Variants in RHOQ observed in about 807,000 individuals in gnomAD.
RHOQ encodes ras homolog family member Q, also known as rho-related GTP-binding protein RhoQ.
Under a neutral mutation model 25.8 loss-of-function variants are expected in RHOQ, and 7 were observed. The ratio of observed to expected loss-of-function variants is 0.27; its 90% CI spans 0.15 to 0.51. The LOEUF is 0.51. Among genes scored for constraint, RHOQ ranks in the 20% least tolerant of loss-of-function variants. The pLI is 0.97. For missense variants in RHOQ, 165 were observed against 260.6 expected, an observed-to-expected ratio of 0.63 and a Z score of 2.53; for synonymous variants, 97 against 98.6, an observed-to-expected ratio of 0.98 and a Z score of 0.10.
intron 1 of RHOQ, chr2:46,543,421 C>G: frequency 1.7e-6 from 1 of 604,626 alleles, no homozygotes; most frequent in Non-Finnish European, 2.9e-6. Flanking sequence ...CCCGCACTTC[C>G]TACCCCTCGG....
Position 46,576,570 on chromosome 2 carries a change from C to T in RHOQ, c.376C>T (p.Arg126Ter), listed in dbSNP as rs757089034. Residue 126 changes from arginine to a stop codon, truncating the protein, a stop_gained, in exon 4 of 5, where the codon CGA becomes TGA. Transcript: ENST00000238738. LOFTEE classifies it high-confidence loss of function. The surrounding 1 kb of genome is among the most constrained non-coding windows in gnomAD (Gnocchi z 5.1). ...GACCTTTCTTAATTAGATTGATCTC[C>T]GAGATGACCCCAAAACTTTAGCAAG... The part of the protein sequence containing the change: ...FLLIGTQIDL[R>*]DDPKTLARLN... 11 of 1,596,180 alleles carry T rather than the reference C, an allele frequency of 6.9e-6. No homozygotes were observed. The highest frequency in any genetic ancestry group is 2.2e-5 in the East Asian group (1 of 44,642).
At position 46,576,074 on chromosome 2, in the gene RHOQ, C is replaced by G; in HGVS notation, c.202-13C>G. 1 of 1,580,668 alleles carries G rather than the reference C, an allele frequency of 6.3e-7. No individual in the cohort carries two copies. Among genetic ancestry groups the G allele is most frequent in the Non-Finnish European group, 8.6e-7 (1 of 1,167,394 alleles). ...AATGTAAATACATAATGAGGCTTTT[C>G]TTTGTTCCTCAGGAAGACTATGACC... On this transcript the variant is annotated splice_polypyrimidine_tract_variant and intron_variant, in intron 2 of 4. Coordinates refer to ENST00000238738, the MANE Select transcript of RHOQ (RefSeq NM_012249.4). The surrounding 1 kb of genome is among the most constrained non-coding windows in gnomAD (Gnocchi z 5.1).
intron 4 of RHOQ, among the ~76,000 whole-genome samples, chr2:46,577,831 A>T (rs1201608937): frequency 6.6e-6 from 1 of 152,102 alleles, no homozygotes; most frequent in Non-Finnish European, 1.5e-5. Flanking sequence ...TCACTTCAGA[A>T]ATTCCATGTA....
chr2:46,564,297 C>A (rs1243325046), intron 2 of RHOQ, among the ~76,000 whole-genome samples: 1 of 152,110 alleles, frequency 6.6e-6, no homozygotes, highest in African/African-American at 2.4e-5. Context: ...AGAATGAGAT[C>A]CTGTCTCCTG....
chr2:46,571,199 A>G (rs1668902529), intron 2 of RHOQ, among the ~76,000 whole-genome samples: 1 of 152,226 alleles, frequency 6.6e-6, no homozygotes, highest in Non-Finnish European at 1.5e-5. Flanking sequence ...AACTTGTAAT[A>G]TCATGTTCAC....
Position 46,556,674 on chromosome 2 carries a change from TC to T in RHOQ, c.201+12867del, listed in dbSNP as rs1668419752. Among the ~76,000 whole-genome samples the T allele has an allele frequency of 6.6e-6, 1 of 152,008 alleles. No individual in the cohort carries two copies. The highest frequency in any genetic ancestry group is 6.6e-5 in the Admixed American group (1 of 15,254). ...ACAAAATTCCATCCGATCGGGTTCT[TC>T]CCCCGTAGGAGTTTACAGTCCAGTT... On this transcript the variant is annotated intron_variant, in intron 2 of 4. Coordinates refer to ENST00000238738, the MANE Select transcript of RHOQ (RefSeq NM_012249.4). The surrounding 1 kb of genome is among the most constrained non-coding windows in gnomAD (Gnocchi z 4.9).
At chr2:46,551,455 G>C (rs1362833050) in intron 2 of RHOQ, among the ~76,000 whole-genome samples, 2 of 152,226 alleles carry the variant, frequency 1.3e-5, no homozygotes, top group Non-Finnish European at 2.9e-5. Context: ...GGGAAGAATA[G>C]TGTAGGGAGG....
At chr2:46,549,370 C>T (rs892536461) in intron 2 of RHOQ, among the ~76,000 whole-genome samples, 3 of 152,048 alleles carry the variant, frequency 2.0e-5, no homozygotes, top group Non-Finnish European at 2.9e-5. Flanking sequence ...TGGGCTTTTG[C>T]GGTTTTGTTG....
At position 46,582,353 on chromosome 2, in the gene RHOQ, C is replaced by G. The variant is rs1353728472; in HGVS notation, c.*1270C>G. ...GTGAAGCTTATTTGGTACACTGGAG[C>G]CATTTCTAATCTTTCTCTGGGGGGA... On this transcript the variant is annotated 3_prime_UTR_variant, in exon 5 of 5. Coordinates refer to ENST00000238738, the MANE Select transcript of RHOQ (RefSeq NM_012249.4). The G allele has an allele frequency of 6.6e-6, 1 of 151,576 alleles. No individual in the cohort carries two copies. Among genetic ancestry groups the G allele is most frequent in the Non-Finnish European group, 1.5e-5 (1 of 67,966 alleles). The allele number at this position is 151,576 out of a possible 1,614,324, so 9.4% of individuals were successfully genotyped here. A position where few individuals can be genotyped will look rare whatever the true frequency, so the allele number is the denominator to read the frequency against.
intron 2 of RHOQ, among the ~76,000 whole-genome samples, chr2:46,565,278 T>G (rs909477551): frequency 1.9e-4 from 29 of 152,284 alleles, no homozygotes; most frequent in Admixed American, 9.8e-4. Flanking sequence ...GGCATGTGTC[T>G]GAGTGTAGAA....
At chr2:46,571,787 T>C (rs1016297436) in intron 2 of RHOQ, among the ~76,000 whole-genome samples, 3 of 152,220 alleles carry the variant, frequency 2.0e-5, no homozygotes, top group Non-Finnish European at 2.9e-5. Context: ...TGGCACAAGG[T>C]AAATCGTCCA....
Position 46,569,560 on chromosome 2 carries a change from C to T in RHOQ, c.202-6527C>T, listed in dbSNP as rs181569349. ...CAGATGTAAATTTTCTCTCCGTTTC[C>T]TCCAGCCAACCTAAACAGGAGTTAC... On this transcript the variant is annotated intron_variant, in intron 2 of 4. Coordinates refer to ENST00000238738, the MANE Select transcript of RHOQ (RefSeq NM_012249.4). This position sits in a 1 kb window ranked among gnomAD's most constrained non-coding sequence, Gnocchi z 4.1. 1 of 152,278 alleles carries T rather than the reference C, an allele frequency of 6.6e-6. No individual in the cohort carries two copies. The highest frequency in any genetic ancestry group is 1.9e-4 in the East Asian group (1 of 5,190). 9.4% of individuals were successfully genotyped at this position (152,278 alleles called of 1,614,324 possible).
At chr2:46,568,931 A>G (rs750446535) in intron 2 of RHOQ, 2 of 152,244 alleles carry the variant, frequency 1.3e-5, no homozygotes, top group Non-Finnish European at 2.9e-5. Flanking sequence ...GGAAAGGAGT[A>G]TACCACATGG....
intron 2 of RHOQ, among the ~76,000 whole-genome samples, chr2:46,549,779 G>A (rs975043171): frequency 5.9e-5 from 9 of 152,240 alleles, no homozygotes; most frequent in South Asian, 2.1e-4. Flanking sequence ...GGGGTCCCCC[G>A]GCTCCCTGGG....
chr2:46,573,790 C>A (rs1669016533), intron 2 of RHOQ, among the ~76,000 whole-genome samples: 1 of 152,204 alleles, frequency 6.6e-6, no homozygotes, highest in South Asian at 2.1e-4. Flanking sequence ...AGTAAAATTT[C>A]CATTAAAATC....
chr2:46,549,041 A>G (rs1668158703), intron 2 of RHOQ, among the ~76,000 whole-genome samples: 3 of 152,112 alleles, frequency 2.0e-5, no homozygotes, highest in African/African-American at 7.2e-5. Flanking sequence ...TTGGTCTACA[A>G]TTATGCCTCA....
chr2:46,567,965 T>C (rs1668787556), intron 2 of RHOQ, among the ~76,000 whole-genome samples: 1 of 152,086 alleles, frequency 6.6e-6, no homozygotes, highest in African/African-American at 2.4e-5. Flanking sequence ...TATCAACTAC[T>C]CGGGAGGCTG....
At chr2:46,573,065 A>G (rs1668987058) in intron 2 of RHOQ, among the ~76,000 whole-genome samples, 1 of 142,958 alleles carries the variant, frequency 7.0e-6, no homozygotes, top group Non-Finnish European at 1.5e-5. Context: ...CTAACTGCCG[A>G]TTTTTTTTTT....
At chr2:46,567,777 C>G (rs1234564807) in intron 2 of RHOQ, among the ~76,000 whole-genome samples, 1 of 152,088 alleles carries the variant, frequency 6.6e-6, no homozygotes, top group Non-Finnish European at 1.5e-5. Context: ...TCATTAAAGT[C>G]TGAGGGCCGT....
Sources: allele counts gnomAD v4.1 joint callset (sites outside exome capture counted in the v4.1 genomes callset), GRCh38; gene constraint gnomAD v4.1.1; non-coding constraint Gnocchi (gnomAD v3.1); transcripts MANE v1.5; gene names NCBI Gene and HGNC (gene_info 2026-07-23, HGNC 2026-07-21).